Variants in PDE4D observed in about 807,000 individuals in gnomAD.
PDE4D encodes 3',5'-cyclic-AMP phosphodiesterase 4D.
A neutral mutation model predicts 87.4 loss-of-function variants in PDE4D; 24 were observed. The ratio of observed to expected loss-of-function variants is 0.27; its 90% CI spans 0.20 to 0.39. PDE4D has a LOEUF of 0.39. Ranked by LOEUF, PDE4D falls within the 10% of genes least tolerant of loss-of-function variation. The pLI is 1.00. For synonymous variants in PDE4D, 384 were observed against 383.2 expected (o/e 1.00, Z -0.02); for missense variants, 714 against 1,041.0 (o/e 0.69, Z 4.32).
chr5:60,056,005 A>C (rs566640742), intron 2 of PDE4D, among the ~76,000 whole-genome samples: 1 of 152,248 alleles, frequency 6.6e-6, no homozygotes, highest in Non-Finnish European at 1.5e-5. Flanking sequence ...AGTTGCATGA[A>C]GTTCTGTGTC....
chr5:59,128,064 A>C (rs1775747248), intron 5 of PDE4D, among the ~76,000 whole-genome samples: 1 of 126,084 alleles, frequency 7.9e-6, no homozygotes, highest in African/African-American at 2.9e-5. Flanking sequence ...CCCTCAACCA[A>C]GGTTAGAGAC....
At chr5:59,939,099 C>T (rs1472826418) in intron 3 of PDE4D, among the ~76,000 whole-genome samples, 1 of 152,116 alleles carries the variant, frequency 6.6e-6, no homozygotes, top group Non-Finnish European at 1.5e-5. Flanking sequence ...CAAGTGGTAG[C>T]CTCCGTCAGC....
At chr5:59,407,617 A>G (rs1791928956) in intron 1 of PDE4D, among the ~76,000 whole-genome samples, 2 of 152,234 alleles carry the variant, frequency 1.3e-5, no homozygotes, top group Non-Finnish European at 2.9e-5. Flanking sequence ...TTAAATGGTC[A>G]TGACCAAAAT....
chr5:60,097,265 T>TTGTGTGTGTGTGTGTGTG (rs57591657), intron 2 of PDE4D, among the ~76,000 whole-genome samples: 123 of 146,572 alleles, frequency 8.4e-4, no homozygotes, highest in African/African-American at 1.6e-3. Flanking sequence ...TGCTATGAAG[T>TTGTGTGTGTGTGTGTGTG]TGTGTGTGTG....
At chr5:60,091,106 G>T (rs999779707) in intron 2 of PDE4D, among the ~76,000 whole-genome samples, 5 of 152,036 alleles carry the variant, frequency 3.3e-5, no homozygotes, top group African/African-American at 1.2e-4. Flanking sequence ...AGATTTTTTA[G>T]GTAAGACCTC....
intron 2 of PDE4D, among the ~76,000 whole-genome samples, chr5:60,029,691 C>T (rs572490511): frequency 6.6e-6 from 1 of 152,210 alleles, no homozygotes; most frequent in East Asian, 1.9e-4. Context: ...AGTAAGTAAT[C>T]TTTCATCATC....
intron 1 of PDE4D, among the ~76,000 whole-genome samples, chr5:59,223,071 C>T (rs554069904): frequency 6.6e-6 from 1 of 152,266 alleles, no homozygotes; most frequent in East Asian, 1.9e-4. Flanking sequence ...GCCAAATCAC[C>T]TGAATCAGCC....
chr5:59,410,563 T>C (rs1016791650), intron 1 of PDE4D, among the ~76,000 whole-genome samples: 1 of 152,114 alleles, frequency 6.6e-6, no homozygotes, highest in Admixed American at 6.6e-5. Flanking sequence ...AGTATTTTTA[T>C]TTTAGTTACC....
intron 1 of PDE4D, among the ~76,000 whole-genome samples, chr5:59,540,724 C>T (rs530619554): frequency 1.3e-5 from 2 of 152,240 alleles, no homozygotes; most frequent in Non-Finnish European, 2.9e-5. Flanking sequence ...CCATTTAAAC[C>T]ATTTATAGTC....
chr5:59,545,178 C>A (rs1817053344), intron 1 of PDE4D, among the ~76,000 whole-genome samples: 1 of 152,062 alleles, frequency 6.6e-6, no homozygotes, highest in African/African-American at 2.4e-5. Flanking sequence ...ATTGTAACTT[C>A]TTTGAAGATG....
intron 1 of PDE4D, among the ~76,000 whole-genome samples, chr5:60,312,774 C>A (rs192171592): frequency 6.6e-6 from 1 of 152,248 alleles, no homozygotes; most frequent in Middle Eastern, 3.4e-3. Flanking sequence ...AAGGAAATCA[C>A]CCAAAACCAT....
Position 58,973,755 on chromosome 5 carries a change from T to A in PDE4D, c.*909A>T, listed in dbSNP as rs1032019041. The A allele has an allele frequency of 1.3e-5, 2 of 152,218 alleles. No individual in the cohort carries two copies. The highest frequency in any genetic ancestry group is 4.8e-5 in the African/African-American group (2 of 41,344). The allele number at this position is 152,218 out of a possible 1,614,324, so 9.4% of individuals were successfully genotyped here. On this transcript the variant is annotated 3_prime_UTR_variant, in exon 15 of 15. Transcript: ENST00000340635. The stretch of plus-strand genomic sequence containing the variant: ...CTGGTGAAGAGCAACTCTGCTTATC[T>A]GGAAAGAGTGAAACAAAATGCAAAG...
chr5:59,188,525 C>A (rs1050511706), intron 3 of PDE4D, among the ~76,000 whole-genome samples: 15 of 152,194 alleles, frequency 9.9e-5, no homozygotes, highest in African/African-American at 3.4e-4. Context: ...TATCATTTAA[C>A]ACTTAAACAG....
intron 6 of PDE4D, among the ~76,000 whole-genome samples, chr5:59,030,235 T>C (rs1285041031): frequency 1.3e-5 from 2 of 150,466 alleles, no homozygotes; most frequent in Non-Finnish European, 3.0e-5. Context: ...AATAATAGAG[T>C]GAAAAGACAA....
upstream of PDE4D, among the ~76,000 whole-genome samples, chr5:60,492,652 A>G (rs1485937810): frequency 6.6e-6 from 1 of 152,142 alleles, no homozygotes; most frequent in African/African-American, 2.4e-5. Flanking sequence ...ACAGAAAACC[A>G]AACACCGCAT....
At chr5:59,732,025 A>G (rs914833999) in intron 1 of PDE4D, among the ~76,000 whole-genome samples, 5 of 152,194 alleles carry the variant, frequency 3.3e-5, no homozygotes, top group Non-Finnish European at 7.3e-5. Flanking sequence ...ATGCTGACAG[A>G]CTAAACAAAA....
chr5:60,158,788 C>G (rs1423430186), intron 2 of PDE4D, among the ~76,000 whole-genome samples: 1 of 152,168 alleles, frequency 6.6e-6, no homozygotes, highest in East Asian at 1.9e-4. Flanking sequence ...CCAGAATGGT[C>G]TGGATCTCCT....
Position 59,406,409 on chromosome 5 carries a change from C to G in PDE4D, c.456-190441G>C, listed in dbSNP as rs1222601411. Reference sequence around the variant, plus strand: ...TTATCTTTCCTTCCCCCCCCCCCCCCCCATAGAGTCTTGCTCTGTCATCCA... The same window carrying G: ...TTATCTTTCCTTCCCCCCCCCCCCCGCCATAGAGTCTTGCTCTGTCATCCA... On this transcript the variant is annotated intron_variant, in intron 1 of 14. Coordinates refer to ENST00000340635, the MANE Select transcript of PDE4D (RefSeq NM_001104631.2). Among the ~76,000 whole-genome samples, 17 of 98,468 alleles carry G rather than the reference C, an allele frequency of 1.7e-4. 1 individual carries two copies. The highest frequency in any genetic ancestry group is 4.2e-4 in the East Asian group (1 of 2,374). 64.6% of individuals were successfully genotyped at this position (98,468 alleles called of 152,430 possible).
chr5:59,245,395 CA>C (rs1287439758), intron 1 of PDE4D, among the ~76,000 whole-genome samples: 4 of 152,124 alleles, frequency 2.6e-5, no homozygotes, highest in African/African-American at 9.7e-5. Flanking sequence ...CTCCTTGAGG[CA>C]TATTTTTTCC....
Sources: allele counts gnomAD v4.1 joint callset (sites outside exome capture counted in the v4.1 genomes callset), GRCh38; gene constraint gnomAD v4.1.1; transcripts MANE v1.5; gene names NCBI Gene and HGNC (gene_info 2026-07-23, HGNC 2026-07-21).